Variants in PIGU observed in about 807,000 individuals in gnomAD.
PIGU encodes GPI-anchor transamidase component PIGU.
A neutral mutation model predicts 49.9 loss-of-function variants in PIGU; 24 were observed. The ratio of observed to expected loss-of-function variants is 0.48; its 90% CI spans 0.35 to 0.68. The LOEUF is 0.68. Among genes scored for constraint, PIGU ranks in the 30% least tolerant of loss-of-function variants. PIGU has a pLI of 0.01. For missense variants in PIGU, 490 were observed against 532.6 expected (o/e 0.92, Z 0.79); for synonymous variants, 220 against 205.7 (o/e 1.07, Z -0.59).
chr20:34,625,724 A>AAG (rs1464339926), intron 6 of PIGU, among the ~76,000 whole-genome samples: 9 of 150,440 alleles, frequency 6.0e-5, no homozygotes, highest in African/African-American at 2.2e-4. Flanking sequence ...AAAAAAAAAA[A>AAG]AAAGAAAGAA....
intron 8 of PIGU, among the ~76,000 whole-genome samples, chr20:34,587,180 A>T (rs1983730881): frequency 6.6e-6 from 1 of 152,184 alleles, no homozygotes. Context: ...ACTTAATCAG[A>T]ACCTCTGAGG....
At chr20:34,654,961 C>T (rs1382528652) in intron 2 of PIGU, among the ~76,000 whole-genome samples, 1 of 108,114 alleles carries the variant, frequency 9.2e-6, no homozygotes, top group African/African-American at 3.5e-5. Context: ...GCTGAGATTG[C>T]ACCATTGCAC....
intron 6 of PIGU, among the ~76,000 whole-genome samples, chr20:34,626,670 GA>G: frequency 6.6e-6 from 1 of 152,234 alleles, no homozygotes; most frequent in African/African-American, 2.4e-5. Flanking sequence ...TTCCATGTGG[GA>G]GAATATCTAT....
chr20:34,624,785 C>A (rs995976208), intron 6 of PIGU, among the ~76,000 whole-genome samples: 112 of 152,264 alleles, frequency 7.4e-4, no homozygotes, highest in African/African-American at 2.3e-3. Flanking sequence ...ACCTGTGTTC[C>A]CCAGCCAACA....
chr20:34,639,357 T>C (rs1986075742), intron 4 of PIGU, among the ~76,000 whole-genome samples: 2 of 152,024 alleles, frequency 1.3e-5, no homozygotes, highest in Admixed American at 1.3e-4. Context: ...GCCGAGATTA[T>C]ACCACCGCAC....
intron 1 of PIGU, among the ~76,000 whole-genome samples, chr20:34,668,448 C>G (rs1270360802): frequency 1.8e-5 from 2 of 110,890 alleles, no homozygotes; most frequent in Admixed American, 1.4e-4. Context: ...GGTGACAGAG[C>G]GAGACTCCGT....
At chr20:34,578,419 G>A (rs1221240004) in intron 10 of PIGU, among the ~76,000 whole-genome samples, 1 of 152,202 alleles carries the variant, frequency 6.6e-6, no homozygotes, top group Non-Finnish European at 1.5e-5. Context: ...ACATTTCTCA[G>A]TGGTTCTTTC....
intron 10 of PIGU, among the ~76,000 whole-genome samples, chr20:34,575,512 A>C (rs1245276455): frequency 3.3e-5 from 5 of 152,076 alleles, no homozygotes; most frequent in Admixed American, 6.6e-5. Flanking sequence ...CTATAGTTAG[A>C]AATGCCATGA....
At chr20:34,660,803 G>T (rs1439787546) in intron 1 of PIGU, among the ~76,000 whole-genome samples, 1 of 152,186 alleles carries the variant, frequency 6.6e-6, no homozygotes, top group African/African-American at 2.4e-5. Context: ...AAACAACTAA[G>T]TGCAAAGTGG....
intron 1 of PIGU, among the ~76,000 whole-genome samples, chr20:34,670,586 C>A (rs1987279305): frequency 6.6e-6 from 1 of 152,116 alleles, no homozygotes; most frequent in East Asian, 1.9e-4. Flanking sequence ...GTCGCCCAGG[C>A]TGGAGTGCAG....
chr20:34,561,963 C>T (rs945849343), intron 11 of PIGU, among the ~76,000 whole-genome samples: 6 of 152,168 alleles, frequency 3.9e-5, no homozygotes, highest in African/African-American at 7.2e-5. Context: ...TCCCCTGGCC[C>T]GGGGCCTCCA....
At chr20:34,630,979 C>G (rs919268339) in intron 6 of PIGU, among the ~76,000 whole-genome samples, 2 of 151,584 alleles carry the variant, frequency 1.3e-5, no homozygotes, top group Non-Finnish European at 2.9e-5. Context: ...GCAAGGATTA[C>G]CATACATATA....
chr20:34,637,317 A>G (rs1449888661), intron 5 of PIGU, among the ~76,000 whole-genome samples: 2 of 152,230 alleles, frequency 1.3e-5, no homozygotes, highest in Non-Finnish European at 2.9e-5. Context: ...ACATTTGCCT[A>G]TCTCAGGAAG....
intron 7 of PIGU, 101 bp downstream of exon 7, chr20:34,615,941 C>T: frequency 1.4e-6 from 2 of 1,445,742 alleles, no homozygotes; most frequent in Non-Finnish European, 9.1e-7. Flanking sequence ...AGCAAGCTTC[C>T]CACTGCCTTT....
chr20:34,569,151 C>A (rs967200768), intron 11 of PIGU, among the ~76,000 whole-genome samples: 1 of 151,976 alleles, frequency 6.6e-6, no homozygotes, highest in Non-Finnish European at 1.5e-5. Context: ...CTGCAGTGAG[C>A]TGTGACTGTG....
In PIGU at chr20:34,655,004, C is replaced by CAA. The variant is rs368336960; in HGVS notation, c.195+2174_195+2175dup. 2.0e-3 allele frequency among the ~76,000 whole-genome samples: 153 copies of CAA among 76,438 alleles called. 17 individuals carry two copies. Among genetic ancestry groups the CAA allele is most frequent in the Admixed American group, 3.6e-3 (17 of 4,780 alleles). The allele number at this position is 76,438 out of a possible 152,430, so 50.1% of individuals were successfully genotyped here. A position where few individuals can be genotyped will look rare whatever the true frequency, so the allele number is the denominator to read the frequency against. ...TGGGCGACAGAGCGAGACTCTGTCT[C>CAA]AAAAAAAAAAAAAAAATTAAGGCCA... On this transcript the variant is annotated intron_variant, in intron 2 of 11. Transcript: ENST00000217446.
chr20:34,575,039 T>C, intron 11 of PIGU, 65 bp downstream of exon 11: 1 of 1,584,616 alleles, frequency 6.3e-7, no homozygotes. Context: ...AAGGCCATCG[T>C]TGAATGCTTG....
chr20:34,606,548 T>A (rs1984623448), intron 7 of PIGU, among the ~76,000 whole-genome samples: 1 of 152,212 alleles, frequency 6.6e-6, no homozygotes, highest in Admixed American at 6.5e-5. Context: ...AACTCGTTCC[T>A]CTGCTCTTTT....
At chr20:34,657,708 C>T (rs1457284824) in intron 1 of PIGU, among the ~76,000 whole-genome samples, 1 of 152,028 alleles carries the variant, frequency 6.6e-6, no homozygotes, top group Non-Finnish European at 1.5e-5. Context: ...GCCTTCTGAC[C>T]CAGATATGAT....
Sources: gnomAD v4.1 joint callset for allele counts (sites outside exome capture counted in the v4.1 genomes callset) on GRCh38, gnomAD v4.1.1 for gene constraint, MANE v1.5 for transcripts, NCBI Gene and HGNC (gene_info 2026-07-23, HGNC 2026-07-21) for gene names.